EPM2A: variants seen among roughly 807,000 people sequenced by gnomAD.
The protein encoded by EPM2A is EPM2A glucan phosphatase, laforin.
In EPM2A, 21 loss-of-function variants were observed where a neutral mutation model predicts 26.5. The ratio of observed to expected loss-of-function variants is 0.79; its 90% confidence interval spans 0.56 to 1.14. The LOEUF (loss-of-function observed/expected upper bound fraction) is 1.14, where lower values mean the gene tolerates loss of function less well. Among genes scored for constraint, EPM2A ranks in the 50% most tolerant of loss-of-function variants. The pLI is 0.00. For synonymous variants in EPM2A, 217 were observed against 177.6 expected (o/e 1.22, Z -1.76); for missense variants, 458 against 440.8 (o/e 1.04, Z -0.35).
At chr6:145,394,224 AG>A (rs933056860) in intron 4 of EPM2A, among the ~76,000 whole-genome samples, 1 of 151,956 alleles carries the variant, frequency 6.6e-6, no homozygotes, top group African/African-American at 2.4e-5. Flanking sequence ...AAAGGCATCA[AG>A]TTCATATTTC....
chr6:145,665,613 G>A (rs1779116692), intron 2 of EPM2A, among the ~76,000 whole-genome samples: 1 of 147,620 alleles, frequency 6.8e-6, no homozygotes, highest in Non-Finnish European at 1.5e-5. Flanking sequence ...CATTCCTTCT[G>A]AAACTATTCC....
chr6:145,522,285 A>T (rs1309509181), intron 2 of EPM2A, among the ~76,000 whole-genome samples: 1 of 152,092 alleles, frequency 6.6e-6, no homozygotes, highest in Non-Finnish European at 1.5e-5. Flanking sequence ...TTCTGTCTAC[A>T]CATCCAGCTT....
intron 2 of EPM2A, among the ~76,000 whole-genome samples, chr6:145,653,723 C>T (rs1370812244): frequency 6.6e-6 from 1 of 152,198 alleles, no homozygotes; most frequent in Admixed American, 6.5e-5. Context: ...AGTCTGCTGG[C>T]AGAATTCCCT....
chr6:145,420,725 C>T (rs1340339762), intron 4 of EPM2A, among the ~76,000 whole-genome samples: 1 of 152,030 alleles, frequency 6.6e-6, no homozygotes, highest in Non-Finnish European at 1.5e-5. Flanking sequence ...AACAGAATAC[C>T]TGAGACTAGT....
chr6:145,425,824 G>A (rs1778848194), intron 4 of EPM2A, among the ~76,000 whole-genome samples: 1 of 152,168 alleles, frequency 6.6e-6, no homozygotes, highest in South Asian at 2.1e-4. Context: ...TTTCTGTCCA[G>A]CTGAAAGATA....
chr6:145,732,236 T>TGTGTGC (rs374032616), intron 1 of EPM2A, among the ~76,000 whole-genome samples: 38,638 of 131,660 alleles, frequency 0.29, 6,013 homozygotes, highest in Non-Finnish European at 0.38. Flanking sequence ...TGTGTGTGTG[T>TGTGTGC]GCGCGCCAAA....
In EPM2A at chr6:145,735,182, C is replaced by G. The variant is rs1286855280; in HGVS notation, c.301+16G>C. ...GCTCCCGCTCTGCGCCGGGGGCAGGCGTCTGCTGGCAATACCTTCCCAGGA... is the reference window on the plus strand; with the variant it reads ...GCTCCCGCTCTGCGCCGGGGGCAGGGGTCTGCTGGCAATACCTTCCCAGGA... On this transcript the variant is annotated intron_variant, in intron 1 of 3. Coordinates refer to ENST00000367519, the MANE Select transcript of EPM2A (RefSeq NM_005670.4). 6.7e-7 allele frequency: 1 copy of G among 1,484,826 alleles called. No homozygotes were observed. The highest frequency in any genetic ancestry group is 2.9e-5 in the East Asian group (1 of 34,818). 92.0% of individuals were successfully genotyped at this position (1,484,826 alleles called of 1,614,324 possible).
At chr6:145,472,153 A>G (rs576323753) in intron 4 of EPM2A, among the ~76,000 whole-genome samples, 1 of 151,632 alleles carries the variant, frequency 6.6e-6, no homozygotes, top group African/African-American at 2.4e-5. Flanking sequence ...TTCTAGACAT[A>G]CCTTGGGCCA....
chr6:145,491,339 G>A (rs145571664), intron 4 of EPM2A, among the ~76,000 whole-genome samples: 116 of 152,296 alleles, frequency 7.6e-4, no homozygotes, highest in African/African-American at 2.6e-3. Context: ...GTGAGCGGGC[G>A]CAGGAGTCAG....
intron 4 of EPM2A, among the ~76,000 whole-genome samples, chr6:145,395,360 C>T (rs1405565190): frequency 6.6e-6 from 1 of 151,942 alleles, no homozygotes; most frequent in Non-Finnish European, 1.5e-5. Flanking sequence ...CTTTTTGTCC[C>T]AAAACAAGAA....
At chr6:145,658,831 T>C (rs1778478463) in intron 2 of EPM2A, among the ~76,000 whole-genome samples, 1 of 152,190 alleles carries the variant, frequency 6.6e-6, no homozygotes, top group African/African-American at 2.4e-5. Flanking sequence ...TTAGCTGCCT[T>C]TCTATACTTT....
chr6:145,453,128 G>C (rs1160622142), intron 4 of EPM2A, among the ~76,000 whole-genome samples: 2 of 152,158 alleles, frequency 1.3e-5, no homozygotes. Flanking sequence ...TTCTGATGCT[G>C]TTTACTTGTC....
intron 2 of EPM2A, among the ~76,000 whole-genome samples, chr6:145,616,393 GC>G (rs1775512729): frequency 6.6e-6 from 1 of 152,250 alleles, no homozygotes; most frequent in Non-Finnish European, 1.5e-5. Flanking sequence ...ATGCTTGGAT[GC>G]CCAGGTAGAG....
intron 2 of EPM2A, among the ~76,000 whole-genome samples, chr6:145,683,893 C>T (rs1239613115): frequency 6.6e-6 from 1 of 152,018 alleles, no homozygotes; most frequent in Non-Finnish European, 1.5e-5. Flanking sequence ...TAATCTTTCA[C>T]ATAGTAAATA....
intron 4 of EPM2A, among the ~76,000 whole-genome samples, chr6:145,464,016 G>A (rs184921577): frequency 7.6e-4 from 115 of 152,180 alleles, no homozygotes; most frequent in Admixed American, 1.4e-3. Context: ...AGGTCTGATG[G>A]TTTTATAAGT....
In EPM2A at chr6:145,734,184, A is replaced by G. The variant is rs115410184; in HGVS notation, c.301+1014T>C. Among the ~76,000 whole-genome samples the G allele has an allele frequency of 3.9e-3, 593 of 152,346 alleles. 6 individuals are homozygous for G. Among genetic ancestry groups the G allele is most frequent in the African/African-American group, 0.014 (569 of 41,584 alleles). ...AGCCACTACTGTTTACGACAGAGGAAAACTGAAAAGAACCTAAATGCACAT... is the reference window on the plus strand; with the variant it reads ...AGCCACTACTGTTTACGACAGAGGAGAACTGAAAAGAACCTAAATGCACAT... On this transcript the variant is annotated intron_variant, in intron 1 of 3. Coordinates refer to ENST00000367519, the MANE Select transcript of EPM2A (RefSeq NM_005670.4).
At chr6:145,523,570 A>G (rs1780231995) in intron 2 of EPM2A, among the ~76,000 whole-genome samples, 1 of 152,168 alleles carries the variant, frequency 6.6e-6, no homozygotes, top group Non-Finnish European at 1.5e-5. Flanking sequence ...CCATACCCAT[A>G]TAAATAAGAT....
At chr6:145,424,471 G>A (rs1431218000) in intron 4 of EPM2A, among the ~76,000 whole-genome samples, 2 of 152,198 alleles carry the variant, frequency 1.3e-5, no homozygotes, top group African/African-American at 2.4e-5. Context: ...AGGTGTAGAA[G>A]TGTAAATGAT....
intron 4 of EPM2A, among the ~76,000 whole-genome samples, chr6:145,480,806 T>C (rs774123206): frequency 1.1e-4 from 16 of 152,174 alleles, no homozygotes; most frequent in Non-Finnish European, 2.4e-4. Flanking sequence ...CAACTATGGG[T>C]AATTCTAATC....
Sources: gnomAD v4.1 joint callset for allele counts (sites outside exome capture counted in the v4.1 genomes callset) on GRCh38, gnomAD v4.1.1 for gene constraint, MANE v1.5 for transcripts, NCBI Gene and HGNC (gene_info 2026-07-23, HGNC 2026-07-21) for gene names.